The following DOP1A variants were observed in gnomAD, a reference collection of about 807,000 sequenced individuals.
DOP1A encodes the protein protein DOP1A.
DOP1A carries 90 observed loss-of-function variants against 267.6 expected under a neutral mutation model. The ratio of observed to expected loss-of-function variants is 0.34; its 90% confidence interval spans 0.28 to 0.40. DOP1A has a LOEUF of 0.40. Ranked by LOEUF, DOP1A falls within the 10% of genes least tolerant of loss-of-function variation. The pLI, the probability that DOP1A is intolerant of heterozygous loss-of-function variation, is 1.00. For synonymous variants in DOP1A, 932 were observed against 999.1 expected (o/e 0.93, Z 1.27); for missense variants, 2,437 against 2,900.4 (o/e 0.84, Z 3.67).
In DOP1A at chr6:83,167,843, C is replaced by A. The variant is rs753898551; in HGVS notation, c.7093-19C>A. 6.3e-7 allele frequency: 1 copy of A among 1,590,756 alleles called. No homozygotes were observed. Among genetic ancestry groups the A allele is most frequent in the South Asian group, 1.1e-5 (1 of 87,954 alleles). ...ATTGTCTGTTGTATTAATACCAGTT[C>A]ACTTTTTGTTTTCTGCAGAAAAATC... On this transcript the variant is annotated intron_variant, in intron 38 of 38. Coordinates refer to ENST00000349129, the MANE Select transcript of DOP1A (RefSeq NM_015018.4).
intron 23 of DOP1A, 22 bp from the exon 24 acceptor site, chr6:83,141,899 C>G (rs763891628): frequency 6.4e-7 from 1 of 1,573,908 alleles, no homozygotes; most frequent in South Asian, 1.2e-5. Context: ...GTTTCACTTT[C>G]ATTTGCTTCA....
intron 33 of DOP1A, among the ~76,000 whole-genome samples, chr6:83,155,633 C>G (rs778297789): frequency 6.6e-6 from 1 of 152,062 alleles, no homozygotes; most frequent in East Asian, 1.9e-4. Context: ...TTTAAAGTAA[C>G]GAGAAGGATT....
chr6:83,156,775 C>G (rs1458601495), intron 34 of DOP1A, among the ~76,000 whole-genome samples: 2 of 152,168 alleles, frequency 1.3e-5, no homozygotes, highest in African/African-American at 4.8e-5. Context: ...TTCCTTGTTT[C>G]CTAACCTTTT....
intron 1 of DOP1A, among the ~76,000 whole-genome samples, chr6:83,082,501 G>A (rs149855166): frequency 2.0e-5 from 3 of 152,262 alleles, no homozygotes; most frequent in Non-Finnish European, 2.9e-5. Context: ...GCTTACCAGC[G>A]GCTGGGGTGG....
intron 37 of DOP1A, among the ~76,000 whole-genome samples, chr6:83,160,890 C>T (rs1051470202): frequency 6.6e-6 from 1 of 151,982 alleles, no homozygotes; most frequent in African/African-American, 2.4e-5. Flanking sequence ...TACAAGCTTA[C>T]TTTTCATTAA....
chr6:83,097,228 A>G, intron 3 of DOP1A, 113 bp downstream of exon 3: 3 of 1,209,370 alleles, frequency 2.5e-6, no homozygotes, highest in Non-Finnish European at 3.5e-6. Context: ...AATGAACCTT[A>G]GATTACTCTT....
At position 83,142,693 on chromosome 6, in the gene DOP1A, C is replaced by T. The variant is rs570376804; in HGVS notation, c.5541+647C>T. 3.9e-5 allele frequency among the ~76,000 whole-genome samples: 6 copies of T among 152,160 alleles called. No individual in the cohort carries two copies. The South Asian group carries it at 1.2e-3, about 32-fold the overall frequency. On this transcript the variant is annotated intron_variant, in intron 24 of 38. Coordinates refer to ENST00000349129, the MANE Select transcript of DOP1A (RefSeq NM_015018.4). ...ATATGGAGAAAAGTTTTCATCTTGA[C>T]TATAGTTTACTATGATGTGATAGTT...
At chr6:83,114,005 A>C (rs1562312808) in intron 7 of DOP1A, among the ~76,000 whole-genome samples, 1 of 152,180 alleles carries the variant, frequency 6.6e-6, no homozygotes, top group Non-Finnish European at 1.5e-5. Flanking sequence ...ACCAGTATAT[A>C]GGCATTCAGA....
rs1776056915 is a variant in DOP1A, at chr6:83,119,749, T to A, written c.882T>A (p.Gly294=). 2.5e-6 allele frequency: 4 copies of A among 1,609,118 alleles called. No homozygotes were observed. The highest frequency in any genetic ancestry group is 3.4e-6 in the Non-Finnish European group (4 of 1,177,590). The change falls in exon 9 of 39, where the codon GGT becomes GGA. Residue 294 remains glycine, a splice_region_variant and synonymous_variant. Coordinates refer to ENST00000349129, the MANE Select transcript of DOP1A (RefSeq NM_015018.4). Reference sequence around the variant, plus strand: ...ATTTTGTGATTTGTTTCCATGGAGGTTTTGATAACAACGGTGCTATCATAG... The same window carrying A: ...ATTTTGTGATTTGTTTCCATGGAGGATTTGATAACAACGGTGCTATCATAG... ...LNRRLYAWLL[G]FDNNGAIIGP...
intron 26 of DOP1A, 102 bp downstream of exon 26, chr6:83,147,393 G>A: frequency 2.0e-6 from 1 of 510,558 alleles, no homozygotes; most frequent in Non-Finnish European, 3.2e-6. Flanking sequence ...TAACGACCCA[G>A]CCATGTATAT....
rs1360713131 is a variant in DOP1A at position 83,125,633 on chromosome 6, T to G, written c.1619T>G (p.Leu540Arg). 2 of 1,613,850 alleles carry G rather than the reference T, an allele frequency of 1.2e-6. No individual in the cohort carries two copies. Among genetic ancestry groups the G allele is most frequent in the Non-Finnish European group, 8.5e-7 (1 of 1,179,814 alleles). Residue 540 changes from leucine to arginine, a missense_variant, in exon 15 of 39, where the codon CTT (leucine) becomes CGT (arginine). Physicochemically the swap from Leu to Arg is moderately radical, Grantham distance 102. Around this residue, in one of 9 missense-constraint regions of DOP1A, gnomAD observed 498 missense variants for 513.5 expected, o/e 0.97. Coordinates refer to ENST00000349129, the MANE Select transcript of DOP1A (RefSeq NM_015018.4). ...TDSLRLCSKILSKVQPPLLSA... is the reference protein window; with the variant it reads ...TDSLRLCSKIRSKVQPPLLSA... ...TCTCTCAGACTCTGCTCAAAGATCC[T>G]TAGCAAGGTTCAGCCTCCACTGTTA...
At position 83,137,447 on chromosome 6, in the gene DOP1A, G is replaced by A; in HGVS notation, c.3405G>A (p.Glu1135=). ...EVDPETVNAQ[E]DSQMPKESSP... is the part of the protein sequence containing the mutation. ...ATCCTGAAACCGTGAATGCCCAAGAGGATTCTCAAATGCCCAAGGAAAGCT... is the reference window on the plus strand; with the variant it reads ...ATCCTGAAACCGTGAATGCCCAAGAAGATTCTCAAATGCCCAAGGAAAGCT... The change falls in exon 21 of 39, where the codon GAG becomes GAA. Residue 1135 remains glutamate (E), a synonymous_variant. Transcript: ENST00000349129. 6.2e-7 allele frequency: 1 copy of A among 1,613,726 alleles called. No individual in the cohort carries two copies. The highest frequency in any genetic ancestry group is 8.5e-7 in the Non-Finnish European group (1 of 1,179,828).
chr6:83,096,284 G>C (rs1771497661), intron 1 of DOP1A, among the ~76,000 whole-genome samples: 1 of 150,940 alleles, frequency 6.6e-6, no homozygotes, highest in African/African-American at 2.4e-5. Flanking sequence ...ATCTCACTGT[G>C]TTGCCAATGC....
At chr6:83,083,615 A>C (rs1013737323) in intron 1 of DOP1A, among the ~76,000 whole-genome samples, 2 of 152,186 alleles carry the variant, frequency 1.3e-5, no homozygotes, top group African/African-American at 4.8e-5. Context: ...TTCACATGAA[A>C]GGGCTTAGTA....
Position 83,138,159 on chromosome 6 carries a change from C to G in DOP1A, c.4117C>G (p.Leu1373Val). Residue 1373 changes from leucine to valine, a missense_variant, in exon 21 of 39, where the codon CTC (leucine) becomes GTC (valine). This residue lies in a region of DOP1A where 878 missense variants were observed against 992.9 expected (regional missense o/e 0.88). Transcript: ENST00000349129. ...TCTCTATCAACATGTGCTCCTGTAT[C>G]TCCAGTTGTATGATTCATCCAGGAC... ...HPLYQHVLLY[L>V]QLYDSSRTLY... 6.2e-7 allele frequency: 1 copy of G among 1,613,944 alleles called. No individual in the cohort carries two copies. The highest frequency in any genetic ancestry group is 8.5e-7 in the Non-Finnish European group (1 of 1,179,886).
rs1583065118 is a variant in DOP1A at position 83,137,410 on chromosome 6, G to A, written c.3368G>A (p.Ser1123Asn). ...CSQSSAGDNL[S>N]YEVDPETVNA... ...CAGTCCTCTGCTGGGGACAACTTGA[G>A]TTACGAAGTTGATCCTGAAACCGTG... The change falls in exon 21 of 39, where the codon AGT (serine) becomes AAT (asparagine). Residue 1123 changes from serine to asparagine, a missense_variant. Ser to Asn is a conservative substitution (Grantham distance 46, BLOSUM62 1). Around this residue, in one of 9 missense-constraint regions of DOP1A, gnomAD observed 878 missense variants for 992.9 expected, o/e 0.88. Coordinates refer to ENST00000349129, the MANE Select transcript of DOP1A (RefSeq NM_015018.4). The A allele has an allele frequency of 6.2e-7, 1 of 1,613,846 alleles. No homozygotes were observed. Among genetic ancestry groups the A allele is most frequent in the Non-Finnish European group, 8.5e-7 (1 of 1,179,838 alleles).
intron 34 of DOP1A, 99 bp downstream of exon 34, chr6:83,156,202 G>A: frequency 1.1e-6 from 1 of 926,844 alleles, no homozygotes; most frequent in Non-Finnish European, 1.6e-6. Context: ...AATATATCAA[G>A]TGTAGATCAA....
At chr6:83,136,813 C>G (rs1778931707) in intron 20 of DOP1A, among the ~76,000 whole-genome samples, 1 of 152,118 alleles carries the variant, frequency 6.6e-6, no homozygotes, top group South Asian at 2.1e-4. Flanking sequence ...ATGATTCTTT[C>G]CCTAAATTTG....
At chr6:83,157,617 A>G (rs1783093230) in intron 35 of DOP1A, among the ~76,000 whole-genome samples, 1 of 152,226 alleles carries the variant, frequency 6.6e-6, no homozygotes, top group South Asian at 2.1e-4. Flanking sequence ...CATGGCCTAC[A>G]GTCCTGACAA....
Sources: gnomAD v4.1 joint callset for allele counts (sites outside exome capture counted in the v4.1 genomes callset) on GRCh38, gnomAD v4.1.1 for gene constraint, gnomAD v4.1.1 regional missense constraint, MANE v1.5 for transcripts, NCBI Gene and HGNC (gene_info 2026-07-23, HGNC 2026-07-21) for gene names.